Variants in DISP1 observed in about 807,000 individuals in gnomAD.
DISP1 encodes the protein dispatched RND transporter family member 1.
DISP1 carries 30 observed loss-of-function variants against 37.3 expected under a neutral mutation model. The observed-to-expected ratio is 0.80, with a 90% CI of 0.60 to 1.09. The LOEUF (loss-of-function observed/expected upper bound fraction) is 1.09. Ranked by LOEUF, DISP1 falls within the 50% of genes least tolerant of loss-of-function variation. The pLI is 0.00. For missense variants in DISP1, 1,598 were observed against 1,879.5 expected, an observed-to-expected ratio of 0.85 and a Z score of 2.77; for synonymous variants, 634 against 690.2, an observed-to-expected ratio of 0.92 and a Z score of 1.28.
At chr1:222,821,878 CAAAAA>C (rs35160286) in intron 1 of DISP1, among the ~76,000 whole-genome samples, 9 of 73,592 alleles carry the variant, frequency 1.2e-4, no homozygotes, top group African/African-American at 3.8e-4. Context: ...GACTCCATCT[CAAAAA>C]AAAAAAAAAA....
chr1:222,987,068 A>G (rs1481158295), intron 4 of DISP1, among the ~76,000 whole-genome samples: 1 of 146,740 alleles, frequency 6.8e-6, no homozygotes, highest in Non-Finnish European at 1.5e-5. Context: ...TATATATAGC[A>G]TCATCAAATA....
chr1:222,842,957 T>G (rs1667695417), intron 1 of DISP1, among the ~76,000 whole-genome samples: 1 of 152,080 alleles, frequency 6.6e-6, no homozygotes, highest in South Asian at 2.1e-4. Flanking sequence ...ATGCCATTAT[T>G]AGTTCATTCG....
chr1:222,900,762 A>C (rs541716604), intron 1 of DISP1, among the ~76,000 whole-genome samples: 1 of 152,248 alleles, frequency 6.6e-6, no homozygotes, highest in South Asian at 2.1e-4. Context: ...AGTTGATTGC[A>C]GTATGATCTC....
At chr1:222,919,611 C>T (rs776437988) in intron 1 of DISP1, among the ~76,000 whole-genome samples, 25 of 152,238 alleles carry the variant, frequency 1.6e-4, no homozygotes, top group East Asian at 9.6e-4. Flanking sequence ...CTGTGGTAAC[C>T]GTAGTAACTG....
At chr1:222,966,409 T>C (rs1274119276) in intron 3 of DISP1, among the ~76,000 whole-genome samples, 1 of 152,210 alleles carries the variant, frequency 6.6e-6, no homozygotes, top group African/African-American at 2.4e-5. Flanking sequence ...CATAAGTCAT[T>C]GGAAAAGGTA....
At chr1:222,951,379 GT>G (rs1675206840) in intron 3 of DISP1, among the ~76,000 whole-genome samples, 1 of 81,100 alleles carries the variant, frequency 1.2e-5, no homozygotes, top group Non-Finnish European at 2.4e-5. Context: ...AAAAAAAAAA[GT>G]AAGAAATGAG....
At chr1:222,854,223 C>T (rs903725449) in intron 1 of DISP1, among the ~76,000 whole-genome samples, 11 of 152,256 alleles carry the variant, frequency 7.2e-5, no homozygotes, top group Middle Eastern at 6.8e-3. Context: ...CGTCTTAGTC[C>T]GTTCTCATGC....
chr1:222,817,160 C>G (rs1661455720), intron 1 of DISP1, among the ~76,000 whole-genome samples: 1 of 152,210 alleles, frequency 6.6e-6, no homozygotes, highest in Non-Finnish European at 1.5e-5. Context: ...ATTTAGCTTT[C>G]TCTCTAGATA....
At chr1:222,897,769 T>A (rs1334676187) in intron 1 of DISP1, among the ~76,000 whole-genome samples, 2 of 152,202 alleles carry the variant, frequency 1.3e-5, no homozygotes, top group East Asian at 3.8e-4. Flanking sequence ...TTCATTTGAA[T>A]GTTTTTATTT....
chr1:222,884,438 T>G (rs1670462462), intron 1 of DISP1, among the ~76,000 whole-genome samples: 1 of 152,200 alleles, frequency 6.6e-6, no homozygotes, highest in South Asian at 2.1e-4. Flanking sequence ...TCTTCCAATC[T>G]GTTAATGTGT....
chr1:223,004,192 T>C lies in DISP1; in HGVS notation c.2795T>C (p.Leu932Pro). 1.9e-6 allele frequency: 3 copies of C among 1,614,174 alleles called. No individual in the cohort carries two copies. The highest frequency in any genetic ancestry group is 2.5e-6 in the Non-Finnish European group (3 of 1,180,020). ...GTGTTAGAGTTCCAGAGTACCTACC[T>C]CTTCACACTGGCTTATGAAAAGATG... Reference protein sequence around the residue: ...AVVLEFQSTYLFTLAYEKMHQ... With the variant: ...AVVLEFQSTYPFTLAYEKMHQ... Residue 932 changes from leucine to proline, a missense_variant, in exon 9 of 9, where the codon CTC becomes CCC. Physicochemically the swap from Leu to Pro is moderately conservative, Grantham distance 98. Transcript: ENST00000675850. This position sits in a 1 kb window ranked among gnomAD's most constrained non-coding sequence, Gnocchi z 4.9.
At chr1:222,956,738 C>G (rs1395078560) in intron 3 of DISP1, among the ~76,000 whole-genome samples, 2 of 152,122 alleles carry the variant, frequency 1.3e-5, no homozygotes, top group Non-Finnish European at 2.9e-5. Context: ...TTGTAGACTT[C>G]ATTCCAGTAT....
At chr1:222,918,971 A>G (rs539401786) in intron 1 of DISP1, among the ~76,000 whole-genome samples, 35 of 152,286 alleles carry the variant, frequency 2.3e-4, no homozygotes, top group Admixed American at 8.5e-4. Context: ...TTTTTATAGG[A>G]AATGTACAAA....
chr1:222,977,363 A>T (rs1204156159), intron 3 of DISP1, among the ~76,000 whole-genome samples: 4 of 58,404 alleles, frequency 6.8e-5, no homozygotes, highest in Non-Finnish European at 1.4e-4. Flanking sequence ...TTTTTTTTTC[A>T]AAGAGGGCTG....
At position 223,004,901 on chromosome 1, in the gene DISP1, C is replaced by T; in HGVS notation, c.3504C>T (p.Ser1168=). Residue 1168 remains serine, a synonymous_variant, in exon 9 of 9, where the codon AGC becomes AGT. Transcript: ENST00000675850. The surrounding 1 kb of genome is among the most constrained non-coding windows in gnomAD (Gnocchi z 4.9). ...CAAGTCCCAGTGACAAGGGACAAAG[C>T]AAAACACATACCATAAATGCTTATC... ...LSTSPSDKGQ[S]KTHTINAYHL... The T allele has an allele frequency of 6.2e-7, 1 of 1,610,002 alleles. No individual in the cohort carries two copies. Among genetic ancestry groups the T allele is most frequent in the Non-Finnish European group, 8.5e-7 (1 of 1,180,002 alleles).
chr1:222,942,296 A>T (rs1463425907), intron 2 of DISP1, among the ~76,000 whole-genome samples: 1 of 152,186 alleles, frequency 6.6e-6, no homozygotes, highest in Non-Finnish European at 1.5e-5. Flanking sequence ...GGGAAAAATC[A>T]TATATTCTTG....
intron 4 of DISP1, among the ~76,000 whole-genome samples, chr1:222,989,887 C>T (rs149430897): frequency 0.011 from 1,721 of 152,092 alleles, 38 homozygotes; most frequent in African/African-American, 0.039. Flanking sequence ...ACTGCAACCT[C>T]CACCTCCCGG....
At chr1:222,984,454 A>C (rs1294443809) in intron 4 of DISP1, among the ~76,000 whole-genome samples, 1 of 143,608 alleles carries the variant, frequency 7.0e-6, no homozygotes, top group Non-Finnish European at 1.5e-5. Flanking sequence ...AGAGAGAGAG[A>C]GAGAGCGTAC....
At chr1:222,917,992 G>T (rs576667143) in intron 1 of DISP1, among the ~76,000 whole-genome samples, 1 of 152,270 alleles carries the variant, frequency 6.6e-6, no homozygotes, top group Non-Finnish European at 1.5e-5. Flanking sequence ...TTATAACACG[G>T]TTCCCCTCTC....
Sources: gnomAD v4.1 joint callset for allele counts (sites outside exome capture counted in the v4.1 genomes callset) on GRCh38, gnomAD v4.1.1 for gene constraint, Gnocchi (gnomAD v3.1) non-coding constraint, MANE v1.5 for transcripts, NCBI Gene and HGNC (gene_info 2026-07-23, HGNC 2026-07-21) for gene names.